Variants in LONP1 observed in about 807,000 individuals in gnomAD.
LONP1 encodes the protein lon protease homolog, mitochondrial.
In LONP1, 31 loss-of-function variants were observed where a neutral mutation model predicts 98.5. The observed-to-expected ratio is 0.31, with a 90% CI of 0.24 to 0.42. LONP1 has a LOEUF of 0.42. Among genes scored for constraint, LONP1 ranks in the 20% least tolerant of loss-of-function variants. The probability of loss-of-function intolerance (pLI) is 1.00; values close to 1 mark genes in which losing one functional copy is unlikely to be tolerated. For missense variants in LONP1, 1,336 were observed against 1,350.6 expected (o/e 0.99, Z 0.17); for synonymous variants, 781 against 594.7 (o/e 1.31, Z -4.56).
At chr19:5,697,626 G>T (rs2054962758) in intron 10 of LONP1, among the ~76,000 whole-genome samples, 2 of 151,128 alleles carry the variant, frequency 1.3e-5, no homozygotes, top group Non-Finnish European at 3.0e-5. Flanking sequence ...GTCATGCGGG[G>T]TCCTGTGGGC....
chr19:5,717,000 T>G (rs2055335584), intron 1 of LONP1, among the ~76,000 whole-genome samples: 1 of 152,192 alleles, frequency 6.6e-6, no homozygotes, highest in Non-Finnish European at 1.5e-5. Context: ...TTCACCTTGT[T>G]AGCCAGTATG....
At position 5,705,808 on chromosome 19, in the gene LONP1, T is replaced by C. The variant is rs748338688; in HGVS notation, c.1331A>G (p.Lys444Arg). 6.2e-7 allele frequency: 1 copy of C among 1,614,098 alleles called. No homozygotes were observed. The highest frequency in any genetic ancestry group is 1.3e-5 in the African/African-American group (1 of 75,068). The part of the protein sequence containing the change: ...VMDVVDEELS[K>R]LGLLDNHSSE... ...GGAGTGGTTGTCCAGCAGGCCCAGCTTGCTCAGCTCCTCGTCCACAACATC... is the reference window on the plus strand; with the variant it reads ...GGAGTGGTTGTCCAGCAGGCCCAGCCTGCTCAGCTCCTCGTCCACAACATC... Residue 444 changes from lysine to arginine, a missense_variant, in exon 8 of 18, where the codon AAG (lysine) becomes AGG (arginine). Physicochemically the swap from Lys to Arg is conservative, Grantham distance 26. Around this residue, in one of 5 missense-constraint regions of LONP1, gnomAD observed 219 missense variants for 241.0 expected, o/e 0.91. Transcript: ENST00000360614.
chr19:5,719,653 C>A, intron 1 of LONP1, 51 bp downstream of exon 1: 1 of 1,612,852 alleles, frequency 6.2e-7, no homozygotes, highest in Non-Finnish European at 8.5e-7. Flanking sequence ...CGGTTCAGCC[C>A]GCTGCTTGCA....
At chr19:5,704,966 A>G (rs1434805220) in intron 8 of LONP1, among the ~76,000 whole-genome samples, 2 of 150,438 alleles carry the variant, frequency 1.3e-5, no homozygotes, top group African/African-American at 2.5e-5. Context: ...TTTGAGACCA[A>G]CCTGGCCAAC....
intron 10 of LONP1, among the ~76,000 whole-genome samples, chr19:5,697,463 TAGA>T (rs142040359): frequency 0.05 from 7,329 of 146,204 alleles, 252 homozygotes; most frequent in Non-Finnish European, 0.079. Flanking sequence ...CCTGGTGTGT[TAGA>T]AGAACAGTGA....
chr19:5,694,389 A>G lies in LONP1; in HGVS notation c.2318T>C (p.Met773Thr), dbSNP rs2054885763. ...GVVMGLAWTA[M>T]GGSTLFVETS... ...TCTTCTCCCGCCACCACGCTCACCC[A>G]TTGCGGTCCAGGCCAGCCCCATGAC... Residue 773 changes from methionine to threonine, a missense_variant and splice_region_variant, in exon 15 of 18, where the codon ATG (methionine) becomes ACG (threonine). Met to Thr is a moderately conservative substitution (Grantham distance 81, BLOSUM62 -1). Transcript: ENST00000360614. 6.2e-7 allele frequency: 1 copy of G among 1,612,564 alleles called. No individual in the cohort carries two copies. The highest frequency in any genetic ancestry group is 8.5e-7 in the Non-Finnish European group (1 of 1,179,442).
chr19:5,710,459 G>C (rs1161780621), intron 4 of LONP1, among the ~76,000 whole-genome samples: 1 of 151,932 alleles, frequency 6.6e-6, no homozygotes, highest in Non-Finnish European at 1.5e-5. Flanking sequence ...GCAGTGATGC[G>C]ATCACAGCTC....
upstream of LONP1, chr19:5,720,227 C>T (rs2055419940): frequency 1.5e-6 from 2 of 1,377,808 alleles, no homozygotes; most frequent in Non-Finnish European, 1.9e-6. Flanking sequence ...ACCCGATGGG[C>T]GCGTGGCTCG....
rs763307866 is a variant in LONP1 at position 5,707,678 on chromosome 19, G to A, written c.1062+19C>T. 22 of 1,600,194 alleles carry A rather than the reference G, an allele frequency of 1.4e-5. No homozygotes were observed. The highest frequency in any genetic ancestry group is 1.7e-5 in the Non-Finnish European group (20 of 1,170,364). On this transcript the variant is annotated intron_variant, in intron 6 of 17. Coordinates refer to ENST00000360614, the MANE Select transcript of LONP1 (RefSeq NM_004793.4). ...GGTGCAGCCAGGCGTGGGGGGCTGT[G>A]GAGGTGACGAGCACTCACATTGGTC...
chr19:5,702,724 C>A (rs1017349515), intron 8 of LONP1, among the ~76,000 whole-genome samples: 1 of 151,972 alleles, frequency 6.6e-6, no homozygotes, highest in Non-Finnish European at 1.5e-5. Flanking sequence ...TTACCCCCAA[C>A]CCTGTGCTCT....
At chr19:5,692,259 G>A (rs1405002423) in intron 17 of LONP1, 51 bp from the exon 18 acceptor site, 1 of 1,551,146 alleles carries the variant, frequency 6.4e-7, no homozygotes, top group South Asian at 1.2e-5. Context: ...GAGGGCAGCA[G>A]GTGTGCTAAC....
rs139759295 is a variant in LONP1 at position 5,692,057 on chromosome 19, G to A, written c.2855C>T (p.Ala952Val). ...TCACCGTTCCACGGCCAGCGCCTCT[G>A]CCTGCTCGTCCGGGAAGGCGATGTC... Reference protein sequence around the residue: ...IFDIAFPDEQAEALAVER With the variant: ...IFDIAFPDEQVEALAVER The change falls in exon 18 of 18, where the codon GCA (alanine) becomes GTA (valine). Residue 952 changes from alanine (A) to valine (V), a missense_variant. Coordinates refer to ENST00000360614, the MANE Select transcript of LONP1 (RefSeq NM_004793.4). 6.8e-5 allele frequency: 110 copies of A among 1,613,786 alleles called. No individual in the cohort carries two copies. The African/African-American group carries it at 1.2e-3, about 18-fold the overall frequency.
chr19:5,694,991 C>A, intron 13 of LONP1, 90 bp from the exon 14 acceptor site: 1 of 1,438,308 alleles, frequency 7.0e-7, no homozygotes, highest in Non-Finnish European at 9.4e-7. Context: ...TCCCATGGCC[C>A]CCAGACCCTG....
At chr19:5,712,786 C>T (rs1205320977) in intron 3 of LONP1, among the ~76,000 whole-genome samples, 2 of 152,030 alleles carry the variant, frequency 1.3e-5, no homozygotes, top group South Asian at 2.1e-4. Flanking sequence ...TGAGCCACCA[C>T]ATCCAGCTAA....
chr19:5,707,085 T>A lies in LONP1; in HGVS notation c.1121A>T (p.Lys374Met). The change falls in exon 7 of 18, where the codon AAG becomes ATG. Residue 374 changes from lysine (K) to methionine (M), a missense_variant. Physicochemically the swap from Lys to Met is moderately conservative, Grantham distance 95 (BLOSUM62 -1). Around this residue, in one of 5 missense-constraint regions of LONP1, gnomAD observed 97 missense variants for 139.0 expected, o/e 0.70. Coordinates refer to ENST00000360614, the MANE Select transcript of LONP1 (RefSeq NM_004793.4). ...SLLKKEFELS[K>M]LQQRLGREVE... ...CTCCCGCCCCAGGCGCTGCTGCAGC[T>A]TGCTCAGTTCAAATTCCTTCTTCAG... 6.2e-7 allele frequency: 1 copy of A among 1,612,794 alleles called. No individual in the cohort carries two copies. Among genetic ancestry groups the A allele is most frequent in the Non-Finnish European group, 8.5e-7 (1 of 1,179,884 alleles).
Position 5,716,253 on chromosome 19 carries a change from A to AATATATATATATATATATAT in LONP1, c.430-1983_430-1982insATATATATATATATATATAT, listed in dbSNP as rs1200539692. ...ATTCTTTATTATATAATAAAGTTAA[A>AATATATATATATATATATAT]ATATACATATATATATATATATATA... On this transcript the variant is annotated intron_variant, in intron 1 of 17. Coordinates refer to ENST00000360614, the MANE Select transcript of LONP1 (RefSeq NM_004793.4). Among the ~76,000 whole-genome samples, 5 of 71,718 alleles carry AATATATATATATATATATAT rather than the reference A, an allele frequency of 7.0e-5. 1 individual carries two copies. The highest frequency in any genetic ancestry group is 5.7e-4 in the South Asian group (1 of 1,768). 47.0% of individuals were successfully genotyped at this position (71,718 alleles called of 152,430 possible).
intron 9 of LONP1, among the ~76,000 whole-genome samples, chr19:5,700,378 G>T (rs2055017944): frequency 6.6e-6 from 1 of 152,190 alleles, no homozygotes; most frequent in South Asian, 2.1e-4. Context: ...CTCCCAAAGT[G>T]CTGGGATTAC....
In LONP1 at chr19:5,714,218, C is replaced by G; in HGVS notation, c.483G>C (p.Gln161His). The G allele has an allele frequency of 3.7e-6, 6 of 1,613,958 alleles. No individual in the cohort carries two copies. Among genetic ancestry groups the G allele is most frequent in the Non-Finnish European group, 5.1e-6 (6 of 1,179,938 alleles). Residue 161 changes from glutamine (Q) to histidine (H), a missense_variant, in exon 2 of 18, where the codon CAG (glutamine) becomes CAC (histidine). Gln to His is a conservative substitution (Grantham distance 24). Transcript: ENST00000360614. ...ELLRRKVRLA[Q>H]PYVGVFLKRD... ...TCTTTAGAAAGACGCCGACATAAGG[C>G]TGGGCGAGACGAACTTTCCTTCTCA...
intron 5 of LONP1, 86 bp from the exon 6 acceptor site, chr19:5,707,912 G>A (rs1288177151): frequency 1.3e-6 from 2 of 1,510,342 alleles, no homozygotes; most frequent in East Asian, 4.5e-5. Flanking sequence ...GGTCCTCAGG[G>A]TCCCTGTCCC....
Sources: gnomAD v4.1 joint callset for allele counts (sites outside exome capture counted in the v4.1 genomes callset) on GRCh38, gnomAD v4.1.1 for gene constraint, gnomAD v4.1.1 regional missense constraint, MANE v1.5 for transcripts, NCBI Gene and HGNC (gene_info 2026-07-23, HGNC 2026-07-21) for gene names.